The following ST6GALNAC5 variants were observed in gnomAD, a reference collection of about 807,000 sequenced individuals.
ST6GALNAC5 encodes the protein ST6 N-acetylgalactosaminide alpha-2,6-sialyltransferase 5.
ST6GALNAC5 carries 27 observed loss-of-function variants against 33.6 expected under a neutral mutation model. That is an observed-to-expected ratio of 0.80 (90% CI 0.59 to 1.11). ST6GALNAC5 has a LOEUF of 1.11. Among genes scored for constraint, ST6GALNAC5 ranks in the 50% least tolerant of loss-of-function variants. The probability of loss-of-function intolerance (pLI) is 0.00; values close to 1 mark genes in which losing one functional copy is unlikely to be tolerated. For synonymous variants in ST6GALNAC5, 194 were observed against 171.2 expected (o/e 1.13, Z -1.04); for missense variants, 428 against 454.0 (o/e 0.94, Z 0.52).
intron 2 of ST6GALNAC5, among the ~76,000 whole-genome samples, chr1:77,007,321 C>G (rs1021530701): frequency 3.9e-5 from 6 of 152,170 alleles, no homozygotes; most frequent in African/African-American, 1.4e-4. Flanking sequence ...GAACCACATG[C>G]CCCAGCACCT....
chr1:76,912,467 T>A (rs1646924285), intron 2 of ST6GALNAC5, among the ~76,000 whole-genome samples: 1 of 152,076 alleles, frequency 6.6e-6, no homozygotes, highest in African/African-American at 2.4e-5. Context: ...TGAGTTCAAT[T>A]CCTGGGTATC....
intron 2 of ST6GALNAC5, among the ~76,000 whole-genome samples, chr1:76,912,553 G>A (rs1340067456): frequency 2.6e-5 from 4 of 151,732 alleles, no homozygotes; most frequent in South Asian, 2.1e-4. Context: ...TATTGTGTGG[G>A]AGTCTAAGTC....
chr1:76,889,142 G>A (rs1653961479), intron 2 of ST6GALNAC5, among the ~76,000 whole-genome samples: 1 of 152,004 alleles, frequency 6.6e-6, no homozygotes. Flanking sequence ...ATTTATAAGT[G>A]ATTTAATTAA....
intron 2 of ST6GALNAC5, among the ~76,000 whole-genome samples, chr1:76,932,112 T>C (rs1311130025): frequency 6.6e-6 from 1 of 152,132 alleles, no homozygotes; most frequent in Non-Finnish European, 1.5e-5. Flanking sequence ...AGCGGTGAAA[T>C]ATTCACTTAG....
At chr1:76,914,000 G>T (rs1646941512) in intron 2 of ST6GALNAC5, among the ~76,000 whole-genome samples, 1 of 152,066 alleles carries the variant, frequency 6.6e-6, no homozygotes, top group Non-Finnish European at 1.5e-5. Context: ...CAAAGTCTCA[G>T]GAAACAAAAT....
chr1:77,021,299 A>G (rs1005285225), intron 2 of ST6GALNAC5, among the ~76,000 whole-genome samples: 3 of 152,152 alleles, frequency 2.0e-5, no homozygotes, highest in South Asian at 4.1e-4. Flanking sequence ...AATCCAAGAA[A>G]CCAAATTGGT....
chr1:76,984,583 G>C (rs1433903539), intron 2 of ST6GALNAC5, among the ~76,000 whole-genome samples: 1 of 152,130 alleles, frequency 6.6e-6, no homozygotes, highest in Non-Finnish European at 1.5e-5. Context: ...TTCTATTAGA[G>C]GTACAAAGAG....
chr1:77,014,480 C>A (rs77930580), intron 2 of ST6GALNAC5, among the ~76,000 whole-genome samples: 32,521 of 152,092 alleles, frequency 0.21, 3,474 homozygotes, highest in Middle Eastern at 0.25. Context: ...CCAGGCCCTG[C>A]CCAGGAAAAG....
chr1:77,057,228 T>C (rs1340246580), intron 4 of ST6GALNAC5, among the ~76,000 whole-genome samples: 1 of 152,194 alleles, frequency 6.6e-6, no homozygotes. Flanking sequence ...TGCAGCCTTC[T>C]GCATAGTCCA....
intron 2 of ST6GALNAC5, among the ~76,000 whole-genome samples, chr1:76,904,545 G>A (rs9660631): frequency 0.045 from 6,911 of 152,286 alleles, 303 homozygotes; most frequent in African/African-American, 0.11. Context: ...GAGTTATTCA[G>A]ACAGATGTAG....
chr1:76,916,386 GA>G (rs1417101708), intron 2 of ST6GALNAC5, among the ~76,000 whole-genome samples: 1 of 152,094 alleles, frequency 6.6e-6, no homozygotes, highest in African/African-American at 2.4e-5. Context: ...TTAAAGGAAG[GA>G]AAAAAATTCT....
chr1:76,913,910 T>C (rs1358739144), intron 2 of ST6GALNAC5, among the ~76,000 whole-genome samples: 2 of 152,166 alleles, frequency 1.3e-5, no homozygotes, highest in East Asian at 1.9e-4. Context: ...ATTGTCCCTG[T>C]TTGCAGACGA....
intron 4 of ST6GALNAC5, among the ~76,000 whole-genome samples, chr1:77,062,432 G>A (rs1007376075): frequency 1.3e-5 from 2 of 152,174 alleles, no homozygotes; most frequent in Non-Finnish European, 2.9e-5. Flanking sequence ...CAAAGGCCCT[G>A]AAGTAGGGAT....
In ST6GALNAC5 at chr1:77,067,267, GCC is replaced by G. The variant is rs912091332; in HGVS notation, c.*4064_*4065del. ...CAAGGTTTAAAAATGAGCAAGTGTA[GCC>G]CCTCTTTTGTAGCTCACTCATCCCA... is the stretch of plus-strand genomic sequence containing the variant. On this transcript the variant is annotated 3_prime_UTR_variant, in exon 5 of 5. Transcript: ENST00000477717. Among the ~76,000 whole-genome samples the G allele has an allele frequency of 6.6e-6, 1 of 152,204 alleles. No homozygotes were observed. The highest frequency in any genetic ancestry group is 2.4e-5 in the African/African-American group (1 of 41,446).
chr1:76,879,952 A>G (rs2100920836), intron 2 of ST6GALNAC5, among the ~76,000 whole-genome samples: 1 of 152,288 alleles, frequency 6.6e-6, no homozygotes, highest in East Asian at 1.9e-4. Context: ...GCACGATAAG[A>G]ACTTGTGTCT....
chr1:76,884,069 T>C (rs1393553875), intron 2 of ST6GALNAC5, among the ~76,000 whole-genome samples: 1 of 152,192 alleles, frequency 6.6e-6, no homozygotes, highest in Non-Finnish European at 1.5e-5. Flanking sequence ...AAAGTAGCCA[T>C]AGGTTGTAGG....
chr1:76,879,397 T>C (rs1370868028), intron 2 of ST6GALNAC5, among the ~76,000 whole-genome samples: 2 of 152,234 alleles, frequency 1.3e-5, no homozygotes, highest in Admixed American at 1.3e-4. Context: ...TCCAACTCTA[T>C]GTTCCTTCCA....
intron 2 of ST6GALNAC5, among the ~76,000 whole-genome samples, chr1:77,005,099 C>T (rs937401826): frequency 1.3e-5 from 2 of 152,074 alleles, no homozygotes; most frequent in African/African-American, 2.4e-5. Flanking sequence ...GCCTCGCTGC[C>T]ACCTTGCAGT....
intron 2 of ST6GALNAC5, among the ~76,000 whole-genome samples, chr1:76,973,944 C>A (rs1379075973): frequency 6.6e-6 from 1 of 152,140 alleles, no homozygotes; most frequent in Admixed American, 6.5e-5. Context: ...AACCAGACTG[C>A]TTTAATTATT....
Sources: allele counts gnomAD v4.1 joint callset (sites outside exome capture counted in the v4.1 genomes callset), GRCh38; gene constraint gnomAD v4.1.1; transcripts MANE v1.5; gene names NCBI Gene and HGNC (gene_info 2026-07-23, HGNC 2026-07-21).